VAT1L: variants seen among roughly 807,000 people sequenced by gnomAD.
The protein encoded by VAT1L is putative NADPH-dependent quinone oxidoreductase VAT1L.
In VAT1L, 34 loss-of-function variants were observed where a neutral mutation model predicts 44.1. The observed-to-expected ratio is 0.77, with a 90% CI of 0.59 to 1.03. The LOEUF is 1.03. Ranked by LOEUF, VAT1L falls within the 50% of genes least tolerant of loss-of-function variation. The pLI is 0.00. For missense variants in VAT1L, 615 were observed against 538.8 expected, an observed-to-expected ratio of 1.14 and a Z score of -1.40; for synonymous variants, 253 against 202.2, an observed-to-expected ratio of 1.25 and a Z score of -2.13.
chr16:77,803,348 T>C (rs923025947), intron 1 of VAT1L, among the ~76,000 whole-genome samples: 1 of 152,110 alleles, frequency 6.6e-6, no homozygotes, highest in Non-Finnish European at 1.5e-5. Context: ...GAAAGTTCTA[T>C]TGGACATGTC....
intron 4 of VAT1L, among the ~76,000 whole-genome samples, chr16:77,874,857 A>C (rs2142452196): frequency 6.6e-6 from 1 of 150,726 alleles, no homozygotes; most frequent in South Asian, 2.1e-4. Context: ...AAAAAAAAAA[A>C]AAAAAAGCCA....
chr16:77,839,647 G>T (rs2016683089), intron 3 of VAT1L, among the ~76,000 whole-genome samples: 2 of 139,898 alleles, frequency 1.4e-5, no homozygotes, highest in African/African-American at 5.3e-5. Context: ...AATAGAGAAA[G>T]AAATGACAGT....
intron 7 of VAT1L, among the ~76,000 whole-genome samples, chr16:77,966,856 T>C (rs2018227992): frequency 6.7e-6 from 1 of 149,028 alleles, no homozygotes; most frequent in African/African-American, 2.5e-5. Context: ...CTAGTGGCTA[T>C]AGGATTAGGC....
At chr16:77,915,106 CAA>C (rs1002898374) in intron 7 of VAT1L, among the ~76,000 whole-genome samples, 5 of 151,212 alleles carry the variant, frequency 3.3e-5, no homozygotes, top group African/African-American at 1.2e-4. Context: ...GCCTGGGTGA[CAA>C]GAGCAAAATT....
chr16:77,878,519 G>A (rs1362145380), intron 5 of VAT1L, among the ~76,000 whole-genome samples: 1 of 151,304 alleles, frequency 6.6e-6, no homozygotes, highest in Admixed American at 6.6e-5. Context: ...GAGAATCTTA[G>A]GGAATCTTTC....
chr16:77,956,301 C>T (rs150996638), intron 7 of VAT1L, among the ~76,000 whole-genome samples: 3 of 152,270 alleles, frequency 2.0e-5, no homozygotes, highest in African/African-American at 7.2e-5. Flanking sequence ...ACCTCATTCT[C>T]ATCTCGACTC....
chr16:77,795,774 C>T (rs191176270), intron 1 of VAT1L, among the ~76,000 whole-genome samples: 169 of 148,778 alleles, frequency 1.1e-3, no homozygotes, highest in Middle Eastern at 3.5e-3. Context: ...CTTTATTAAC[C>T]ATTTGTGTTT....
At chr16:77,933,871 G>A (rs1429706108) in intron 7 of VAT1L, among the ~76,000 whole-genome samples, 1 of 152,234 alleles carries the variant, frequency 6.6e-6, no homozygotes, top group African/African-American at 2.4e-5. Flanking sequence ...GAAGTAAGCA[G>A]ATGGTGCATA....
intron 6 of VAT1L, among the ~76,000 whole-genome samples, chr16:77,883,283 T>C (rs2142460247): frequency 6.6e-6 from 1 of 152,298 alleles, no homozygotes; most frequent in East Asian, 1.9e-4. Flanking sequence ...CTTGGATTTC[T>C]AACCTATAAC....
chr16:77,794,311 T>C (rs1347843994), intron 1 of VAT1L, among the ~76,000 whole-genome samples: 1 of 152,204 alleles, frequency 6.6e-6, no homozygotes, highest in East Asian at 1.9e-4. Flanking sequence ...ACGGCCATTA[T>C]GTTTATGCAC....
chr16:77,914,825 AT>A (rs2017535619), intron 7 of VAT1L, among the ~76,000 whole-genome samples: 1 of 152,206 alleles, frequency 6.6e-6, no homozygotes, highest in South Asian at 2.1e-4. Context: ...CACCAGATTG[AT>A]TGGGTAAAGA....
At chr16:77,850,909 GA>G (rs760884677) in intron 3 of VAT1L, among the ~76,000 whole-genome samples, 63 of 152,182 alleles carry the variant, frequency 4.1e-4, no homozygotes, top group Non-Finnish European at 7.9e-4. Context: ...ACGGTTGCTG[GA>G]GTCCAACTCT....
At chr16:77,856,259 C>G (rs371420622) in intron 3 of VAT1L, among the ~76,000 whole-genome samples, 17 of 152,246 alleles carry the variant, frequency 1.1e-4, no homozygotes, top group African/African-American at 3.9e-4. Flanking sequence ...CAGTGAGAAA[C>G]AAGGCTGGAG....
At chr16:77,791,803 T>C (rs555876288) in intron 1 of VAT1L, among the ~76,000 whole-genome samples, 2 of 152,218 alleles carry the variant, frequency 1.3e-5, no homozygotes, top group Non-Finnish European at 2.9e-5. Flanking sequence ...TTTGGTCAAA[T>C]GCAGCTCAAA....
intron 7 of VAT1L, among the ~76,000 whole-genome samples, chr16:77,905,509 A>G (rs1343186187): frequency 6.6e-6 from 1 of 152,150 alleles, no homozygotes; most frequent in East Asian, 1.9e-4. Context: ...TTTTCTGTTC[A>G]GATCCATTTT....
intron 7 of VAT1L, among the ~76,000 whole-genome samples, chr16:77,922,188 G>GT (rs147021480): frequency 0.095 from 14,485 of 152,138 alleles, 820 homozygotes; most frequent in African/African-American, 0.15. Context: ...GCGGGCGGGG[G>GT]TGGAGGGGCA....
chr16:77,803,292 C>T (rs979687600), intron 1 of VAT1L, among the ~76,000 whole-genome samples: 1 of 152,142 alleles, frequency 6.6e-6, no homozygotes, highest in Non-Finnish European at 1.5e-5. Context: ...GGCCAAGTGG[C>T]TACCATATTG....
At chr16:77,868,370 A>G (rs1199240542) in intron 4 of VAT1L, among the ~76,000 whole-genome samples, 2 of 152,194 alleles carry the variant, frequency 1.3e-5, no homozygotes, top group African/African-American at 4.8e-5. Context: ...GGTGAGCAAA[A>G]CAAGCAAATC....
chr16:77,970,832 TATCA>T (rs2018271125), intron 7 of VAT1L, among the ~76,000 whole-genome samples: 2 of 152,254 alleles, frequency 1.3e-5, no homozygotes, highest in Non-Finnish European at 1.5e-5. Context: ...AATACTGCTC[TATCA>T]ATCAGCCACA....
Sources: allele counts gnomAD v4.1 joint callset (sites outside exome capture counted in the v4.1 genomes callset), GRCh38; gene constraint gnomAD v4.1.1; transcripts MANE v1.5; gene names NCBI Gene and HGNC (gene_info 2026-07-23, HGNC 2026-07-21).